The following IPO11 variants were observed in gnomAD, a reference collection of about 807,000 sequenced individuals.
IPO11 encodes importin 11, also known as importin-11.
In IPO11, 66 loss-of-function variants were observed where a neutral mutation model predicts 143.2. The observed-to-expected ratio is 0.46, with a 90% CI of 0.38 to 0.57. IPO11 has a LOEUF of 0.57. Ranked by LOEUF, IPO11 falls within the 20% of genes least tolerant of loss-of-function variation. IPO11 has a pLI of 0.00. For synonymous variants in IPO11, 385 were observed against 377.8 expected (o/e 1.02, Z -0.22); for missense variants, 1,026 against 1,141.0 (o/e 0.90, Z 1.45).
At position 62,470,816 on chromosome 5, in the gene IPO11, CTTTTTTTTTTTTT is replaced by C. The variant is rs70981015; in HGVS notation, c.708+525_708+537del. Among the ~76,000 whole-genome samples the C allele has an allele frequency of 2.6e-4, 16 of 62,560 alleles. No individual in the cohort carries two copies. The East Asian group carries it at 4.2e-3, about 17-fold the overall frequency. The allele number at this position is 62,560 out of a possible 152,430, so 41.0% of individuals were successfully genotyped here. On this transcript the variant is annotated intron_variant, in intron 7 of 29. Transcript: ENST00000325324. ...TTCATTGTCTGTAGATAGCCATCTT[CTTTTTTTTTTTTT>C]TTTTTTTTTTTTTTTTGAGACAGAG...
chr5:62,489,360 C>A lies in IPO11; in HGVS notation c.1357+11C>A. The A allele has an allele frequency of 6.5e-7, 1 of 1,542,208 alleles. No homozygotes were observed. The highest frequency in any genetic ancestry group is 8.8e-7 in the Non-Finnish European group (1 of 1,135,534). On this transcript the variant is annotated intron_variant, in intron 14 of 29. Coordinates refer to ENST00000325324, the MANE Select transcript of IPO11 (RefSeq NM_016338.5). ...TAATCAAAGATGCTGGTATGTTAAA[C>A]TTAAGTGATTTAGAAGCATTTATTT...
chr5:62,426,229 A>G (rs1743735785), intron 1 of IPO11, among the ~76,000 whole-genome samples: 1 of 152,156 alleles, frequency 6.6e-6, no homozygotes, highest in Non-Finnish European at 1.5e-5. Context: ...TCTACTAAAA[A>G]CACAAAAATT....
At chr5:62,527,389 A>G (rs1742403040) in intron 21 of IPO11, among the ~76,000 whole-genome samples, 1 of 152,122 alleles carries the variant, frequency 6.6e-6, no homozygotes, top group Non-Finnish European at 1.5e-5. Context: ...GACAATATGT[A>G]AGTAGGTATG....
At chr5:62,435,104 ATATATG>A (rs1744138018) in intron 1 of IPO11, among the ~76,000 whole-genome samples, 2 of 76,292 alleles carry the variant, frequency 2.6e-5, no homozygotes, top group African/African-American at 1.1e-4. Flanking sequence ...ATATATGTAT[ATATATG>A]TATATATGTA....
At chr5:62,491,769 C>T (rs866052459) in intron 15 of IPO11, among the ~76,000 whole-genome samples, 15 of 151,202 alleles carry the variant, frequency 9.9e-5, no homozygotes, top group Middle Eastern at 3.4e-3. Context: ...GGGTTCATGC[C>T]GTTCTCCTGC....
chr5:62,563,910 T>C (rs1743851987), intron 27 of IPO11, among the ~76,000 whole-genome samples: 1 of 152,188 alleles, frequency 6.6e-6, no homozygotes, highest in Non-Finnish European at 1.5e-5. Context: ...GGGATAGGAC[T>C]TTATTAAGAC....
intron 16 of IPO11, among the ~76,000 whole-genome samples, chr5:62,498,571 G>C (rs564030033): frequency 6.6e-6 from 1 of 152,268 alleles, no homozygotes; most frequent in South Asian, 2.1e-4. Flanking sequence ...ATATCTTTAA[G>C]TTTCAGAAAT....
chr5:62,618,164 A>G (rs1425236689), intron 29 of IPO11, among the ~76,000 whole-genome samples: 1 of 152,190 alleles, frequency 6.6e-6, no homozygotes, highest in African/African-American at 2.4e-5. Flanking sequence ...ATCTGACCAC[A>G]TTAAAGTAAA....
At chr5:62,526,389 G>C in intron 21 of IPO11, 132 bp downstream of exon 21, 1 of 612,522 alleles carries the variant, frequency 1.6e-6, no homozygotes, top group Non-Finnish European at 2.9e-6. Context: ...TCAAACTGGG[G>C]CATATATCTC....
At chr5:62,557,723 T>G (rs1332637145) in intron 26 of IPO11, among the ~76,000 whole-genome samples, 1 of 152,228 alleles carries the variant, frequency 6.6e-6, no homozygotes, top group Non-Finnish European at 1.5e-5. Flanking sequence ...AATACATTCC[T>G]TTCCAGAATG....
At chr5:62,578,802 A>AC in intron 27 of IPO11, 1 of 435,894 alleles carries the variant, frequency 2.3e-6, no homozygotes, top group African/African-American at 2.1e-5. Context: ...TAAAAAAAAA[A>AC]AAAAAAAAGT....
At chr5:62,470,697 A>G (rs1473167055) in intron 7 of IPO11, among the ~76,000 whole-genome samples, 1 of 151,616 alleles carries the variant, frequency 6.6e-6, no homozygotes. Context: ...CTGTCTGATC[A>G]TTACATTAAT....
chr5:62,566,986 C>T (rs1057260932), intron 27 of IPO11, among the ~76,000 whole-genome samples: 1 of 152,070 alleles, frequency 6.6e-6, no homozygotes, highest in Admixed American at 6.5e-5. Context: ...GACCACCATA[C>T]CCAGCTGTGT....
At chr5:62,611,208 T>C (rs939917960) in intron 29 of IPO11, among the ~76,000 whole-genome samples, 3 of 152,156 alleles carry the variant, frequency 2.0e-5, no homozygotes. Context: ...AAATACACTG[T>C]GGTCATGGGT....
rs76383010 is a variant in IPO11, at chr5:62,554,475, T to C, written c.2460+3139T>C. 3.8e-3 allele frequency among the ~76,000 whole-genome samples: 584 copies of C among 152,310 alleles called. 2 individuals carry two copies. Among genetic ancestry groups the C allele is most frequent in the African/African-American group, 0.013 (558 of 41,550 alleles). The stretch of plus-strand genomic sequence containing the variant: ...ATGTATATCACGAGAGGTAGGGATC[T>C]AGTTTTGTTCTTCTGCATATGGATA... On this transcript the variant is annotated intron_variant, in intron 26 of 29. Transcript: ENST00000325324.
At chr5:62,490,934 C>T (rs781333827) in intron 15 of IPO11, among the ~76,000 whole-genome samples, 2 of 152,020 alleles carry the variant, frequency 1.3e-5, no homozygotes, top group Non-Finnish European at 2.9e-5. Context: ...CCAATTCTTA[C>T]GTTTTATATA....
At chr5:62,534,112 T>C (rs538712794) in intron 22 of IPO11, among the ~76,000 whole-genome samples, 130 of 152,316 alleles carry the variant, frequency 8.5e-4, no homozygotes, top group African/African-American at 2.9e-3. Context: ...TTATGTCCTT[T>C]TCCCTACGTG....
At chr5:62,524,219 A>G (rs1239326022) in intron 20 of IPO11, among the ~76,000 whole-genome samples, 1 of 152,092 alleles carries the variant, frequency 6.6e-6, no homozygotes, top group African/African-American at 2.4e-5. Flanking sequence ...ATTATAAGGT[A>G]TTGAATCTCT....
intron 12 of IPO11, among the ~76,000 whole-genome samples, chr5:62,485,671 T>C (rs1312271662): frequency 6.6e-6 from 1 of 151,662 alleles, no homozygotes; most frequent in African/African-American, 2.4e-5. Context: ...AGACCCTGTC[T>C]CTGCAAAAAG....
Sources: gnomAD v4.1 joint callset for allele counts (sites outside exome capture counted in the v4.1 genomes callset) on GRCh38, gnomAD v4.1.1 for gene constraint, MANE v1.5 for transcripts, NCBI Gene and HGNC (gene_info 2026-07-23, HGNC 2026-07-21) for gene names.